The following TSPAN15 variants were observed in gnomAD, a reference collection of about 807,000 sequenced individuals.
The protein encoded by TSPAN15 is tetraspanin-15.
TSPAN15 carries 20 observed loss-of-function variants against 34.5 expected under a neutral mutation model. The observed-to-expected ratio is 0.58, with a 90% CI of 0.41 to 0.84. TSPAN15 has a LOEUF of 0.84. Ranked by LOEUF, TSPAN15 falls within the 40% of genes least tolerant of loss-of-function variation. TSPAN15 has a pLI of 0.00. For synonymous variants in TSPAN15, 155 were observed against 153.9 expected, an observed-to-expected ratio of 1.01 and a Z score of -0.05; for missense variants, 313 against 386.1, an observed-to-expected ratio of 0.81 and a Z score of 1.59.
At chr10:69,486,834 G>A (rs1200145506) in intron 3 of TSPAN15, among the ~76,000 whole-genome samples, 1 of 152,238 alleles carries the variant, frequency 6.6e-6, no homozygotes, top group Non-Finnish European at 1.5e-5. Flanking sequence ...AGGTCTTCCT[G>A]TTTTATGAGC....
chr10:69,482,704 C>T (rs1240205999), intron 1 of TSPAN15, among the ~76,000 whole-genome samples: 1 of 142,710 alleles, frequency 7.0e-6, no homozygotes, highest in Non-Finnish European at 1.6e-5. Flanking sequence ...CACAGACTCA[C>T]ATGGTCAAAT....
intron 3 of TSPAN15, among the ~76,000 whole-genome samples, chr10:69,494,277 G>A (rs1744412307): frequency 6.6e-6 from 1 of 152,326 alleles, no homozygotes; most frequent in South Asian, 2.1e-4. Flanking sequence ...TTCCACCAAT[G>A]ACGTGGGTGT....
intron 1 of TSPAN15, among the ~76,000 whole-genome samples, chr10:69,463,328 A>G (rs1841310824): frequency 6.6e-6 from 1 of 152,172 alleles, no homozygotes; most frequent in South Asian, 2.1e-4. Flanking sequence ...TCTGGCCTCC[A>G]TAGGAGAGGT....
chr10:69,521,002 T>C, the TSPAN15 span, among the ~76,000 whole-genome samples: 1 of 33,226 alleles, frequency 3.0e-5, no homozygotes, highest in Admixed American at 3.8e-4. Flanking sequence ...CCTTTTTTTT[T>C]TTTTTTTGGA....
At chr10:69,488,472 G>A (rs78866454) in intron 3 of TSPAN15, among the ~76,000 whole-genome samples, 2,482 of 152,284 alleles carry the variant, frequency 0.016, 66 homozygotes, top group African/African-American at 0.057. Context: ...TGGTAACTCT[G>A]AGTATCTACT....
In TSPAN15 at chr10:69,506,942, G is replaced by A. The variant is rs34203150; in HGVS notation, c.849G>A (p.Ala283=). 431 of 1,609,752 alleles carry A rather than the reference G, an allele frequency of 2.7e-4. 1 individual carries two copies. In the African/African-American group the frequency reaches 4.7e-3, roughly 17 times the overall value. The change falls in exon 8 of 8, where the codon GCG becomes GCA. Residue 283 remains alanine, a synonymous_variant. Coordinates refer to ENST00000373290, the MANE Select transcript of TSPAN15 (RefSeq NM_012339.5). This position sits in a 1 kb window ranked among gnomAD's most constrained non-coding sequence, Gnocchi z 4.7. ...CCGGTGCCAAGCCCAGCGTGGAGGC[G>A]GCAGGCACGGGATGCTGCTTGTGCT... is the stretch of plus-strand genomic sequence containing the variant. ...LGPGAKPSVE[A]AGTGCCLCYP... is the part of the protein sequence containing the mutation.
intron 1 of TSPAN15, among the ~76,000 whole-genome samples, chr10:69,460,677 C>A (rs956542593): frequency 6.6e-6 from 1 of 152,144 alleles, no homozygotes; most frequent in African/African-American, 2.4e-5. Context: ...TCTTTGGATT[C>A]TCAGAGTGAC....
the TSPAN15 span, among the ~76,000 whole-genome samples, chr10:69,548,692 A>G: frequency 6.6e-6 from 1 of 152,022 alleles, no homozygotes; most frequent in Non-Finnish European, 1.5e-5. Context: ...TTTTACAGAG[A>G]AAGTTTCAGA....
intron 1 of TSPAN15, among the ~76,000 whole-genome samples, chr10:69,481,835 T>C (rs1460901096): frequency 1.3e-5 from 2 of 152,226 alleles, no homozygotes; most frequent in African/African-American, 4.8e-5. Context: ...CCCTGCCCTC[T>C]GGAACATGAG....
At chr10:69,482,978 G>T (rs866839585) in intron 1 of TSPAN15, among the ~76,000 whole-genome samples, 2,517 of 151,172 alleles carry the variant, frequency 0.017, 44 homozygotes, top group Admixed American at 0.054. Context: ...TTTTTTTTTT[G>T]TTGTTGTTGT....
the TSPAN15 span, among the ~76,000 whole-genome samples, chr10:69,521,282 G>A: frequency 0.056 from 7,687 of 138,260 alleles, 559 homozygotes; most frequent in East Asian, 0.29. Flanking sequence ...GGCTGAGGCA[G>A]GCAGATCATG....
At chr10:69,501,707 G>T (rs1402404888) in intron 5 of TSPAN15, among the ~76,000 whole-genome samples, 1 of 152,164 alleles carries the variant, frequency 6.6e-6, no homozygotes, top group Non-Finnish European at 1.5e-5. Flanking sequence ...TTGGAGCAGG[G>T]CTCCCCTACC....
chr10:69,548,108 A>G, the TSPAN15 span, among the ~76,000 whole-genome samples: 1 of 152,078 alleles, frequency 6.6e-6, no homozygotes, highest in Non-Finnish European at 1.5e-5. Flanking sequence ...GGAATTGGGG[A>G]GGAGCAGTTC....
At chr10:69,478,396 C>G (rs1841661320) in intron 1 of TSPAN15, among the ~76,000 whole-genome samples, 1 of 152,148 alleles carries the variant, frequency 6.6e-6, no homozygotes, top group South Asian at 2.1e-4. Flanking sequence ...TGTTTTGGTC[C>G]AACACGGAGC....
At chr10:69,531,468 G>A in the TSPAN15 span, among the ~76,000 whole-genome samples, 3 of 152,040 alleles carry the variant, frequency 2.0e-5, no homozygotes, top group African/African-American at 4.8e-5. Context: ...GCATGGTGGT[G>A]GGTGCCTGTA....
chr10:69,494,191 G>A (rs1001458151), intron 3 of TSPAN15, among the ~76,000 whole-genome samples: 3 of 152,184 alleles, frequency 2.0e-5, no homozygotes, highest in Non-Finnish European at 2.9e-5. Flanking sequence ...GCCAGGACTC[G>A]TGCCTCAGAG....
At chr10:69,452,041 C>T (rs967507395) in intron 1 of TSPAN15, among the ~76,000 whole-genome samples, 3 of 152,398 alleles carry the variant, frequency 2.0e-5, no homozygotes, top group East Asian at 1.9e-4. Context: ...CTGACTGCCT[C>T]TGCATCGGCC....
At chr10:69,503,885 T>G (rs1162459940) in intron 5 of TSPAN15, among the ~76,000 whole-genome samples, 2 of 152,262 alleles carry the variant, frequency 1.3e-5, no homozygotes, top group Admixed American at 1.3e-4. Flanking sequence ...AATTAATCAG[T>G]AGTCGGGAGT....
intron 1 of TSPAN15, among the ~76,000 whole-genome samples, chr10:69,461,684 G>C (rs1841261018): frequency 6.6e-6 from 1 of 152,204 alleles, no homozygotes; most frequent in South Asian, 2.1e-4. Context: ...CATGGGCACA[G>C]TGTGGCTGGT....
Sources: allele counts gnomAD v4.1 joint callset (sites outside exome capture counted in the v4.1 genomes callset), GRCh38; gene constraint gnomAD v4.1.1; non-coding constraint Gnocchi (gnomAD v3.1); transcripts MANE v1.5; gene names NCBI Gene and HGNC (gene_info 2026-07-23, HGNC 2026-07-21).